Variants in ERBB4 observed in about 807,000 individuals in gnomAD.
ERBB4 encodes erb-b2 receptor tyrosine kinase 4.
A neutral mutation model predicts 158.0 loss-of-function variants in ERBB4; 42 were observed. The observed-to-expected ratio is 0.27, with a 90% confidence interval of 0.21 to 0.34. The LOEUF (loss-of-function observed/expected upper bound fraction) is 0.34, where lower values mean the gene tolerates loss of function less well. Among genes scored for constraint, ERBB4 ranks in the 10% least tolerant of loss-of-function variants. The pLI, the probability that ERBB4 is intolerant of heterozygous loss-of-function variation, is 1.00. For synonymous variants in ERBB4, 583 were observed against 558.7 expected, an observed-to-expected ratio of 1.04 and a Z score of -0.61; for missense variants, 1,333 against 1,624.1, an observed-to-expected ratio of 0.82 and a Z score of 3.08.
At chr2:211,632,461 G>A (rs1466633115) in intron 16 of ERBB4, among the ~76,000 whole-genome samples, 1 of 151,954 alleles carries the variant, frequency 6.6e-6, no homozygotes, top group Non-Finnish European at 1.5e-5. Context: ...TGAGACTAAT[G>A]TCCAACATTT....
chr2:212,143,923 G>A (rs1317829176), intron 1 of ERBB4, among the ~76,000 whole-genome samples: 1 of 151,882 alleles, frequency 6.6e-6, no homozygotes, highest in Non-Finnish European at 1.5e-5. Context: ...GGAGGCTGAG[G>A]CAGGAGAATC....
At chr2:211,557,102 A>G (rs2067256126) in intron 20 of ERBB4, among the ~76,000 whole-genome samples, 1 of 152,194 alleles carries the variant, frequency 6.6e-6, no homozygotes, top group Non-Finnish European at 1.5e-5. Flanking sequence ...TACACCATAT[A>G]CAAAAATCAA....
chr2:212,087,654 G>A (rs913145932), intron 2 of ERBB4, among the ~76,000 whole-genome samples: 2 of 151,990 alleles, frequency 1.3e-5, no homozygotes, highest in Non-Finnish European at 2.9e-5. Context: ...ACAGGAGGCC[G>A]GGAGACAGGT....
Position 212,110,597 on chromosome 2 carries a change from A to G in ERBB4, c.234+14155T>C, listed in dbSNP as rs185433885. Among the ~76,000 whole-genome samples, 3 of 152,380 alleles carry G rather than the reference A, an allele frequency of 2.0e-5. No individual in the cohort carries two copies. In the East Asian group the frequency reaches 5.8e-4, roughly 29 times the overall value. ...AGTCCACTGATATCTAAGTCCTTTA[A>G]CTGATAATAGGAAAAATTCAAATGG... On this transcript the variant is annotated intron_variant, in intron 2 of 27. Coordinates refer to ENST00000342788, the MANE Select transcript of ERBB4 (RefSeq NM_005235.3).
At position 211,790,929 on chromosome 2, in the gene ERBB4, T is replaced by C. The variant is rs144770447; in HGVS notation, c.422-2770A>G. On this transcript the variant is annotated intron_variant, in intron 3 of 27. Transcript: ENST00000342788. ...TGTACAGTCTTACACTTTCTTTTGA[T>C]TAATTTGATTACCTAAATATGTGTC... is the stretch of plus-strand genomic sequence containing the variant. Among the ~76,000 whole-genome samples the C allele has an allele frequency of 3.3e-3, 508 of 152,104 alleles. 5 individuals are homozygous for C. The highest frequency in any genetic ancestry group is 0.012 in the African/African-American group (483 of 41,562).
chr2:212,045,196 A>C (rs901523068), intron 2 of ERBB4, among the ~76,000 whole-genome samples: 1 of 152,178 alleles, frequency 6.6e-6, no homozygotes, highest in African/African-American at 2.4e-5. Context: ...GCAGTGGCTC[A>C]TGCTTGTAAT....
At chr2:212,323,172 T>C (rs2087648710) in intron 1 of ERBB4, among the ~76,000 whole-genome samples, 1 of 150,626 alleles carries the variant, frequency 6.6e-6, no homozygotes, top group Non-Finnish European at 1.5e-5. Context: ...TCAGTGCATT[T>C]TAATTATTTC....
At chr2:211,557,799 T>C (rs1467580970) in intron 20 of ERBB4, among the ~76,000 whole-genome samples, 2 of 152,076 alleles carry the variant, frequency 1.3e-5, no homozygotes, top group Admixed American at 6.6e-5. Context: ...ATAACTCTAT[T>C]ATAAAGACAC....
chr2:211,901,896 A>G (rs569451801), intron 3 of ERBB4, among the ~76,000 whole-genome samples: 5 of 152,262 alleles, frequency 3.3e-5, no homozygotes, highest in African/African-American at 1.2e-4. Flanking sequence ...ATGTTTTTAA[A>G]AAATTGCAAC....
chr2:211,921,378 G>T (rs1452648872), intron 3 of ERBB4, among the ~76,000 whole-genome samples: 1 of 151,922 alleles, frequency 6.6e-6, no homozygotes, highest in Non-Finnish European at 1.5e-5. Context: ...GCTGAATGTG[G>T]GGTTAGGATA....
chr2:211,729,367 C>T (rs1313067785), intron 5 of ERBB4, among the ~76,000 whole-genome samples: 1 of 151,522 alleles, frequency 6.6e-6, no homozygotes, highest in Non-Finnish European at 1.5e-5. Flanking sequence ...AAATATAGGG[C>T]TTTTCACCAT....
rs1300814436 is a variant in ERBB4 at position 211,772,920 on chromosome 2, CACACAT to C, written c.556+15099_556+15104del. ...ACACATATATATATACACACACACACACACATATATATATATATATATATATATATA... is the reference window on the plus strand; with the variant it reads ...ACACATATATATATACACACACACACATATATATATATATATATATATATA... On this transcript the variant is annotated intron_variant, in intron 4 of 27. Transcript: ENST00000342788. 7.0e-3 allele frequency among the ~76,000 whole-genome samples: 284 copies of C among 40,742 alleles called. 13 individuals carry two copies. Among genetic ancestry groups the C allele is most frequent in the Non-Finnish European group, 0.011 (240 of 21,856 alleles). The allele number at this position is 40,742 out of a possible 152,430, so 26.7% of individuals were successfully genotyped here. A position where few individuals can be genotyped will look rare whatever the true frequency, so the allele number is the denominator to read the frequency against.
At chr2:211,709,204 G>A (rs958077484) in intron 9 of ERBB4, among the ~76,000 whole-genome samples, 9 of 144,854 alleles carry the variant, frequency 6.2e-5, no homozygotes, top group Admixed American at 6.9e-5. Flanking sequence ...TCCACTCTGG[G>A]CCGGAGGTGA....
chr2:211,473,690 C>G (rs1249100786), intron 20 of ERBB4, among the ~76,000 whole-genome samples: 1 of 151,918 alleles, frequency 6.6e-6, no homozygotes, highest in Non-Finnish European at 1.5e-5. Context: ...TGTTTACAGC[C>G]TGGACTAGGC....
At chr2:212,296,076 T>C (rs2086399986) in intron 1 of ERBB4, among the ~76,000 whole-genome samples, 1 of 152,012 alleles carries the variant, frequency 6.6e-6, no homozygotes. Flanking sequence ...GGATAATCAC[T>C]TGACAACTCA....
At chr2:211,661,092 T>C (rs1191647280) in intron 15 of ERBB4, among the ~76,000 whole-genome samples, 1 of 151,746 alleles carries the variant, frequency 6.6e-6, no homozygotes, top group Admixed American at 6.6e-5. Flanking sequence ...TCAAGAAAAG[T>C]TGTTGAGGGG....
At chr2:212,123,761 T>G (rs141691647) in intron 2 of ERBB4, among the ~76,000 whole-genome samples, 34 of 152,294 alleles carry the variant, frequency 2.2e-4, no homozygotes, top group African/African-American at 7.7e-4. Context: ...ATATCACTCC[T>G]TTTCACGACT....
chr2:211,879,078 T>C (rs901600557), intron 3 of ERBB4, among the ~76,000 whole-genome samples: 27 of 152,142 alleles, frequency 1.8e-4, no homozygotes, highest in African/African-American at 6.5e-4. Flanking sequence ...GCTGGGGCTA[T>C]CTTAACCCAA....
intron 1 of ERBB4, among the ~76,000 whole-genome samples, chr2:212,314,522 C>T (rs1441482158): frequency 1.3e-5 from 2 of 150,230 alleles, no homozygotes; most frequent in Non-Finnish European, 3.0e-5. Context: ...CTTATCAAGC[C>T]TCAAAAATTT....
Sources: allele counts gnomAD v4.1 joint callset (sites outside exome capture counted in the v4.1 genomes callset), GRCh38; gene constraint gnomAD v4.1.1; transcripts MANE v1.5; gene names NCBI Gene and HGNC (gene_info 2026-07-23, HGNC 2026-07-21).